The following TMEM245 variants were observed in gnomAD, a reference collection of about 807,000 sequenced individuals.
The protein encoded by TMEM245 is transmembrane protein 245.
In TMEM245, 69 loss-of-function variants were observed where a neutral mutation model predicts 101.2. The observed-to-expected ratio is 0.68, with a 90% CI of 0.56 to 0.83. The LOEUF is 0.83. Among genes scored for constraint, TMEM245 ranks in the 40% least tolerant of loss-of-function variants. TMEM245 has a pLI of 0.00. For missense variants in TMEM245, 1,075 were observed against 1,092.8 expected (o/e 0.98, Z 0.23); for synonymous variants, 537 against 449.8 (o/e 1.19, Z -2.45).
At chr9:109,055,027 T>C (rs550686660) in intron 12 of TMEM245, among the ~76,000 whole-genome samples, 1 of 152,332 alleles carries the variant, frequency 6.6e-6, no homozygotes, top group South Asian at 2.1e-4. Flanking sequence ...TTTTGAGGGA[T>C]TACATGGCAA....
intron 12 of TMEM245, among the ~76,000 whole-genome samples, chr9:109,054,544 T>C (rs1157013107): frequency 6.6e-6 from 1 of 152,154 alleles, no homozygotes; most frequent in Non-Finnish European, 1.5e-5. Flanking sequence ...GAAACCTCAA[T>C]GTATTCTGAA....
chr9:109,023,495 G>T (rs1827695677), intron 17 of TMEM245, among the ~76,000 whole-genome samples: 1 of 152,022 alleles, frequency 6.6e-6, no homozygotes, highest in Non-Finnish European at 1.5e-5. Flanking sequence ...AAATTATAAG[G>T]ATTATTATGC....
chr9:109,107,539 G>GTT (rs1175662082), intron 2 of TMEM245, among the ~76,000 whole-genome samples: 1 of 151,898 alleles, frequency 6.6e-6, no homozygotes, highest in Non-Finnish European at 1.5e-5. Flanking sequence ...TTCAAAATGA[G>GTT]TCATATCTGA....
intron 14 of TMEM245, chr9:109,046,374 G>C: frequency 2.0e-6 from 1 of 492,460 alleles, no homozygotes; most frequent in Non-Finnish European, 4.3e-6. Flanking sequence ...TGCTGCTGAA[G>C]AGAGGAAAAT....
chr9:109,105,967 T>C (rs1044244145), intron 3 of TMEM245, among the ~76,000 whole-genome samples: 2 of 152,176 alleles, frequency 1.3e-5, no homozygotes, highest in Non-Finnish European at 2.9e-5. Context: ...AGAGACGGGG[T>C]TTCACCATAT....
chr9:109,074,700 A>G (rs929304659), intron 8 of TMEM245, among the ~76,000 whole-genome samples: 10 of 152,088 alleles, frequency 6.6e-5, no homozygotes, highest in Admixed American at 2.6e-4. Flanking sequence ...TTAACCAAGT[A>G]GCAAAATCAC....
chr9:109,039,536 G>A (rs1209637768), intron 14 of TMEM245, among the ~76,000 whole-genome samples: 1 of 152,066 alleles, frequency 6.6e-6, no homozygotes, highest in East Asian at 1.9e-4. Flanking sequence ...ACTCAAAAAG[G>A]ATGATGAAAA....
chr9:109,036,143 T>TAAAA, intron 16 of TMEM245, 63 bp downstream of exon 16: 7 of 1,236,018 alleles, frequency 5.7e-6, no homozygotes, highest in Admixed American at 3.1e-5. Flanking sequence ...AATCCTCCTT[T>TAAAA]AAAAAAAAAA....
rs200311230 is a variant in TMEM245 at position 109,036,233 on chromosome 9, T to C, written c.2372A>G (p.Asp791Gly). ...IFHLLPTYFV[D>G]TAIYSDISGG... The stretch of plus-strand genomic sequence containing the variant: ...TGATATGTCAGAGTAGATTGCAGTA[T>C]CTACAAAGTATGTTGGCAAGAGATG... The change falls in exon 16 of 18, where the codon GAT becomes GGT. Residue 791 changes from aspartate (D) to glycine (G), a missense_variant. Around this residue, in one of 2 missense-constraint regions of TMEM245, gnomAD observed 267 missense variants for 351.3 expected, o/e 0.76. Coordinates refer to ENST00000374586, the MANE Select transcript of TMEM245 (RefSeq NM_032012.4). 3 of 1,612,094 alleles carry C rather than the reference T, an allele frequency of 1.9e-6. No individual in the cohort carries two copies. The Admixed American group carries it at 5.0e-5, about 27-fold the overall frequency.
intron 6 of TMEM245, among the ~76,000 whole-genome samples, chr9:109,086,794 T>C (rs1369576777): frequency 6.6e-6 from 1 of 152,222 alleles, no homozygotes; most frequent in Non-Finnish European, 1.5e-5. Context: ...TGATTTTCCG[T>C]AGGACTTAAT....
At position 109,050,645 on chromosome 9, in the gene TMEM245, C is replaced by T. The variant is rs201913195; in HGVS notation, c.1902G>A (p.Leu634=). Residue 634 remains leucine (L), a synonymous_variant, in exon 13 of 18, where the codon CTG becomes CTA. Coordinates refer to ENST00000374586, the MANE Select transcript of TMEM245 (RefSeq NM_032012.4). Reference sequence around the variant, plus strand: ...TCAAGAGTGTAGTGACAGTGGTGAACAGCAGGCTCACATTCCGGCTCATAA... The same window carrying T: ...TCAAGAGTGTAGTGACAGTGGTGAATAGCAGGCTCACATTCCGGCTCATAA... The part of the protein sequence containing the change: ...WIVMSRNVSL[L]FTTVTTLLTI... The T allele has an allele frequency of 3.1e-6, 5 of 1,613,152 alleles. No individual in the cohort carries two copies. The highest frequency in any genetic ancestry group is 1.3e-5 in the African/African-American group (1 of 74,626).
chr9:109,111,299 T>C (rs1050837450), intron 1 of TMEM245, among the ~76,000 whole-genome samples: 1 of 152,146 alleles, frequency 6.6e-6, no homozygotes, highest in Admixed American at 6.5e-5. Context: ...CTAAAAGTGT[T>C]TGAGCAAACG....
At chr9:109,107,147 G>T (rs994599841) in intron 2 of TMEM245, among the ~76,000 whole-genome samples, 6 of 152,002 alleles carry the variant, frequency 3.9e-5, no homozygotes, top group African/African-American at 2.4e-5. Context: ...CAGCACTTTG[G>T]GGGGCTGAGG....
intron 1 of TMEM245, among the ~76,000 whole-genome samples, chr9:109,114,729 C>G (rs1830665445): frequency 6.6e-6 from 1 of 152,158 alleles, no homozygotes; most frequent in African/African-American, 2.4e-5. Context: ...GATCAGAATG[C>G]CCCCCAACAG....
rs758328901 is a variant in TMEM245 at position 109,036,200 on chromosome 9, A to C, written c.2399+6T>G. 3.8e-6 allele frequency: 6 copies of C among 1,580,304 alleles called. No individual in the cohort carries two copies. In the East Asian group the frequency reaches 6.8e-5, roughly 18 times the overall value. ...TCACTAATAAGAAATTCTGTGGCTT[A>C]CTTACCCTGATATGTCAGAGTAGAT... On this transcript the variant is annotated splice_donor_region_variant and intron_variant, in intron 16 of 17. Transcript: ENST00000374586.
At position 109,073,825 on chromosome 9, in the gene TMEM245, C is replaced by G. The variant is rs576740139; in HGVS notation, c.1450-387G>C. Among the ~76,000 whole-genome samples, 21 of 148,802 alleles carry G rather than the reference C, an allele frequency of 1.4e-4. No homozygotes were observed. The South Asian group carries it at 4.5e-3, about 32-fold the overall frequency. Reference sequence around the variant, plus strand: ...GGTTCATCACGCAGTGTGAGACAAACAGGCAAATAAGGAACTAACTTTTTT... The same window carrying G: ...GGTTCATCACGCAGTGTGAGACAAAGAGGCAAATAAGGAACTAACTTTTTT... On this transcript the variant is annotated intron_variant, in intron 8 of 17. Transcript: ENST00000374586.
At chr9:109,094,085 A>G (rs549236077) in intron 3 of TMEM245, among the ~76,000 whole-genome samples, 2 of 152,328 alleles carry the variant, frequency 1.3e-5, no homozygotes, top group Non-Finnish European at 1.5e-5. Context: ...TATAAATTAC[A>G]TAACTCAGTA....
intron 12 of TMEM245, among the ~76,000 whole-genome samples, chr9:109,054,792 G>A (rs934867122): frequency 4.6e-5 from 7 of 152,146 alleles, no homozygotes; most frequent in African/African-American, 9.7e-5. Context: ...GTTATTTACC[G>A]TGCAAACTAT....
chr9:109,093,459 C>A lies in TMEM245; in HGVS notation c.916+16G>T. ...TTTTCCAGAATAACCTTGAATGTCA[C>A]CAGAACATCAGTCACCTGCAGGCTG... On this transcript the variant is annotated intron_variant, in intron 4 of 17. Coordinates refer to ENST00000374586, the MANE Select transcript of TMEM245 (RefSeq NM_032012.4). 6.3e-7 allele frequency: 1 copy of A among 1,597,734 alleles called. No homozygotes were observed. The highest frequency in any genetic ancestry group is 8.5e-7 in the Non-Finnish European group (1 of 1,170,238).
Sources: allele counts gnomAD v4.1 joint callset (sites outside exome capture counted in the v4.1 genomes callset), GRCh38; gene constraint gnomAD v4.1.1; regional missense constraint gnomAD v4.1.1; transcripts MANE v1.5; gene names NCBI Gene and HGNC (gene_info 2026-07-23, HGNC 2026-07-21).